The following ATOSA variants were observed in gnomAD, a reference collection of about 807,000 sequenced individuals.
ATOSA encodes the protein atos homolog A, also known as atos homolog protein A.
the ATOSA span, among the ~76,000 whole-genome samples, chr15:52,684,360 C>T: frequency 6.6e-6 from 1 of 152,226 alleles, no homozygotes; most frequent in South Asian, 2.1e-4. Context: ...CATAGGGAGA[C>T]CACTGTCTCT....
the ATOSA span, chr15:52,586,773 G>C: frequency 6.2e-6 from 1 of 161,140 alleles, no homozygotes; most frequent in Non-Finnish European, 1.3e-5. Context: ...AAATAATTTT[G>C]TTTCCCAAGT....
chr15:52,677,984 C>T, the ATOSA span: 1 of 1,613,912 alleles, frequency 6.2e-7, no homozygotes, highest in South Asian at 1.1e-5. Flanking sequence ...GGGAACAAGC[C>T]CTACTTAAAC....
At chr15:52,606,566 G>A in the ATOSA span, among the ~76,000 whole-genome samples, 36 of 152,148 alleles carry the variant, frequency 2.4e-4, no homozygotes, top group Non-Finnish European at 4.4e-4. Flanking sequence ...ACAGTAAATT[G>A]TTTATTACAT....
At chr15:52,588,128 C>T in the ATOSA span, among the ~76,000 whole-genome samples, 14 of 152,294 alleles carry the variant, frequency 9.2e-5, no homozygotes, top group African/African-American at 3.4e-4. Flanking sequence ...GCATCATCAG[C>T]ATCACTTGTG....
the ATOSA span, among the ~76,000 whole-genome samples, chr15:52,615,826 C>A: frequency 6.6e-6 from 1 of 152,146 alleles, no homozygotes; most frequent in Non-Finnish European, 1.5e-5. Context: ...GTTCTAAGTA[C>A]CTTCTACACG....
At chr15:52,596,895 A>G in the ATOSA span, among the ~76,000 whole-genome samples, 3 of 152,252 alleles carry the variant, frequency 2.0e-5, no homozygotes, top group Non-Finnish European at 2.9e-5. Flanking sequence ...CAAACTTCAG[A>G]CTTGGAAAAA....
chr15:52,583,668 G>T, the ATOSA span, among the ~76,000 whole-genome samples: 1 of 152,162 alleles, frequency 6.6e-6, no homozygotes, highest in Non-Finnish European at 1.5e-5. Flanking sequence ...TTATAGGTGT[G>T]AGCCACCGTG....
At chr15:52,599,240 A>G in the ATOSA span, among the ~76,000 whole-genome samples, 1 of 152,196 alleles carries the variant, frequency 6.6e-6, no homozygotes, top group Admixed American at 6.5e-5. Flanking sequence ...AATTTCTTGT[A>G]GTACAAAGGT....
the ATOSA span, among the ~76,000 whole-genome samples, chr15:52,670,037 A>G: frequency 6.6e-5 from 10 of 152,230 alleles, no homozygotes; most frequent in Non-Finnish European, 1.3e-4. Flanking sequence ...ACTATCACCC[A>G]GAAATAGTGG....
At chr15:52,651,220 A>T in the ATOSA span, among the ~76,000 whole-genome samples, 1 of 152,166 alleles carries the variant, frequency 6.6e-6, no homozygotes, top group African/African-American at 2.4e-5. Context: ...TCAGTTTTCT[A>T]TATGGATGTT....
At chr15:52,588,125 C>T in the ATOSA span, among the ~76,000 whole-genome samples, 352 of 152,284 alleles carry the variant, frequency 2.3e-3, 6 homozygotes, top group Non-Finnish European at 2.6e-4. Context: ...TGAGCATCAT[C>T]AGCATCACTT....
chr15:52,699,226 C>T, the ATOSA span, among the ~76,000 whole-genome samples: 1 of 152,134 alleles, frequency 6.6e-6, no homozygotes, highest in Non-Finnish European at 1.5e-5. Context: ...TGTCTACTTA[C>T]TCTCTGCTTT....
the ATOSA span, among the ~76,000 whole-genome samples, chr15:52,679,759 C>G: frequency 0.043 from 400 of 9,360 alleles, 4 homozygotes; most frequent in African/African-American, 0.11. Context: ...TCGTCGTCTC[C>G]TCCTCCTCCT....
chr15:52,702,183 T>C, the ATOSA span, among the ~76,000 whole-genome samples: 5 of 152,290 alleles, frequency 3.3e-5, no homozygotes, highest in Admixed American at 6.5e-5. Flanking sequence ...GCAAATTAGT[T>C]CAGCCACTGT....
the ATOSA span, chr15:52,678,078 C>T: frequency 2.1e-5 from 33 of 1,605,490 alleles, no homozygotes; most frequent in Middle Eastern, 1.7e-4. Flanking sequence ...GTTCTTTCAA[C>T]AGGCTCGCCG....
chr15:52,633,018 T>C, the ATOSA span, among the ~76,000 whole-genome samples: 1 of 152,196 alleles, frequency 6.6e-6, no homozygotes, highest in African/African-American at 2.4e-5. Flanking sequence ...GAGTAAGATC[T>C]AGTAAGTCCA....
chr15:52,609,978 T>G, the ATOSA span: 2 of 1,613,462 alleles, frequency 1.2e-6, no homozygotes, highest in South Asian at 2.2e-5. Flanking sequence ...TGGCTTGAGA[T>G]GTCCCATGGT....
At chr15:52,666,684 AC>A in the ATOSA span, among the ~76,000 whole-genome samples, 1 of 152,218 alleles carries the variant, frequency 6.6e-6, no homozygotes, top group South Asian at 2.1e-4. Flanking sequence ...TTCATTCAAC[AC>A]TAAACATTTA....
At chr15:52,689,076 A>G in the ATOSA span, among the ~76,000 whole-genome samples, 1 of 151,962 alleles carries the variant, frequency 6.6e-6, no homozygotes, top group Admixed American at 6.6e-5. Flanking sequence ...CCAGGCACAT[A>G]TTTTGGGAAT....
Sources: gnomAD v4.1 joint callset for allele counts (sites outside exome capture counted in the v4.1 genomes callset) on GRCh38, gnomAD v4.1.1 for gene constraint, MANE v1.5 for transcripts, NCBI Gene and HGNC (gene_info 2026-07-23, HGNC 2026-07-21) for gene names.